The following MRPL3 variants were observed in gnomAD, a reference collection of about 807,000 sequenced individuals.
MRPL3 encodes the protein large ribosomal subunit protein uL3m.
Under a neutral mutation model 44.3 loss-of-function variants are expected in MRPL3, and 43 were observed. The ratio of observed to expected loss-of-function variants is 0.97; its 90% CI spans 0.76 to 1.25. MRPL3 has a LOEUF of 1.25. Among genes scored for constraint, MRPL3 ranks in the 50% most tolerant of loss-of-function variants. MRPL3 has a pLI of 0.00. For missense variants in MRPL3, 406 were observed against 427.6 expected (o/e 0.95, Z 0.45); for synonymous variants, 171 against 152.3 (o/e 1.12, Z -0.91).
chr3:131,472,704 G>A (rs992857483), intron 6 of MRPL3, among the ~76,000 whole-genome samples: 2 of 151,936 alleles, frequency 1.3e-5, no homozygotes, highest in African/African-American at 4.8e-5. Flanking sequence ...AAAAGTGTTA[G>A]AATAAATTCA....
intron 6 of MRPL3, among the ~76,000 whole-genome samples, chr3:131,478,877 G>A (rs1343170644): frequency 6.6e-6 from 1 of 151,872 alleles, no homozygotes; most frequent in Non-Finnish European, 1.5e-5. Context: ...CTTTTTAGTA[G>A]AGATGAAGTT....
At chr3:131,472,231 A>C (rs1047150184) in intron 6 of MRPL3, among the ~76,000 whole-genome samples, 2 of 152,204 alleles carry the variant, frequency 1.3e-5, no homozygotes, top group African/African-American at 4.8e-5. Flanking sequence ...ATCTTAGAAG[A>C]TATCAGAAGG....
At chr3:131,478,686 T>C (rs1182939799) in intron 6 of MRPL3, among the ~76,000 whole-genome samples, 1 of 150,996 alleles carries the variant, frequency 6.6e-6, no homozygotes, top group Non-Finnish European at 1.5e-5. Context: ...AATATCAAGT[T>C]GCATCACCTG....
chr3:131,482,548 A>C (rs1274999380), intron 6 of MRPL3, among the ~76,000 whole-genome samples: 2 of 152,088 alleles, frequency 1.3e-5, no homozygotes, highest in African/African-American at 4.8e-5. Context: ...TACTAAGATA[A>C]CATTGTCAAC....
At position 131,468,122 on chromosome 3, in the gene MRPL3, G is replaced by T. The variant is rs751903627; in HGVS notation, c.863C>A (p.Ser288Tyr). ...TAAGCAATTTTTATGTCCAGGTACA[G>T]AGCCATTTACATAGATTATGTTGTG... ...TKHNIIYVNGSVPGHKNCLVK... is the reference protein window; with the variant it reads ...TKHNIIYVNGYVPGHKNCLVK... Residue 288 changes from serine to tyrosine, a missense_variant, in exon 9 of 10, where the codon TCT becomes TAT. Ser to Tyr is a moderately radical substitution (Grantham distance 144). Transcript: ENST00000264995. The T allele has an allele frequency of 3.0e-5, 47 of 1,592,516 alleles. No homozygotes were observed. The South Asian group carries it at 5.3e-4, about 18-fold the overall frequency.
At chr3:131,471,933 T>C (rs1933752930) in intron 6 of MRPL3, among the ~76,000 whole-genome samples, 1 of 152,112 alleles carries the variant, frequency 6.6e-6, no homozygotes, top group South Asian at 2.1e-4. Flanking sequence ...ACGAAGGACC[T>C]GAGGTCTGCC....
intron 6 of MRPL3, chr3:131,479,081 C>CT (rs748969951): frequency 1.2e-5 from 6 of 497,070 alleles, no homozygotes; most frequent in Non-Finnish European, 2.0e-5. Context: ...ATTAAGTTTT[C>CT]TTTTTTTCTT....
intron 6 of MRPL3, among the ~76,000 whole-genome samples, chr3:131,481,767 ATAGTT>A (rs1160790081): frequency 6.6e-6 from 1 of 152,262 alleles, no homozygotes; most frequent in Admixed American, 6.5e-5. Context: ...ATTTCTCTCT[ATAGTT>A]TAATCACTCA....
intron 8 of MRPL3, 131 bp downstream of exon 8, chr3:131,469,565 G>A (rs2110695625): frequency 1.7e-6 from 1 of 592,074 alleles, no homozygotes; most frequent in Non-Finnish European, 2.9e-6. Context: ...CACAATTCAT[G>A]TATCCTCTTT....
At chr3:131,492,457 T>C (rs1341616803) in intron 4 of MRPL3, among the ~76,000 whole-genome samples, 1 of 152,154 alleles carries the variant, frequency 6.6e-6, no homozygotes, top group Non-Finnish European at 1.5e-5. Context: ...AGAATGAAAC[T>C]GTTCCACCTC....
chr3:131,494,948 G>T lies in MRPL3; in HGVS notation c.468+3231C>A, dbSNP rs184833591. On this transcript the variant is annotated intron_variant, in intron 4 of 9. Coordinates refer to ENST00000264995, the MANE Select transcript of MRPL3 (RefSeq NM_007208.4). ...TCTCTGCAATTATCCTTCCCACAAT[G>T]AAAATGCCTCTCCTCCTAAGATGAA... 3.3e-5 allele frequency among the ~76,000 whole-genome samples: 5 copies of T among 152,112 alleles called. No homozygotes were observed. The East Asian group carries it at 9.7e-4, about 29-fold the overall frequency.
chr3:131,467,690 A>AGCCATGCTTCCTG (rs1933643186), intron 9 of MRPL3, among the ~76,000 whole-genome samples: 1 of 152,032 alleles, frequency 6.6e-6, no homozygotes, highest in South Asian at 2.1e-4. Flanking sequence ...AGGCCTCCCT[A>AGCCATGCTTCCTG]GCCATGCTTC....
At chr3:131,473,969 G>A (rs897031250) in intron 6 of MRPL3, among the ~76,000 whole-genome samples, 1 of 152,116 alleles carries the variant, frequency 6.6e-6, no homozygotes, top group Non-Finnish European at 1.5e-5. Context: ...ATATAAATTA[G>A]TATAGCCACT....
In MRPL3 at chr3:131,485,066, A is replaced by G. The variant is rs535011440; in HGVS notation, c.629+2614T>C. Among the ~76,000 whole-genome samples, 6 of 152,226 alleles carry G rather than the reference A, an allele frequency of 3.9e-5. 1 individual carries two copies. In the South Asian group the frequency reaches 1.2e-3, roughly 32 times the overall value. ...AATTCCAGGGCTGGTTGTTCCCCCA[A>G]CTCTTACCAGCTATTTAATCCTGAA... On this transcript the variant is annotated intron_variant, in intron 6 of 9. Coordinates refer to ENST00000264995, the MANE Select transcript of MRPL3 (RefSeq NM_007208.4).
At chr3:131,484,699 C>T (rs563813680) in intron 6 of MRPL3, among the ~76,000 whole-genome samples, 1 of 152,268 alleles carries the variant, frequency 6.6e-6, no homozygotes, top group African/African-American at 2.4e-5. Context: ...GAATACAATG[C>T]TGCACTCAGG....
In MRPL3 at chr3:131,498,210, G is replaced by T; in HGVS notation, c.437C>A (p.Ser146Tyr). Residue 146 changes from serine (S) to tyrosine (Y), a missense_variant, in exon 4 of 10, where the codon TCT becomes TAT. By Grantham distance (144) the Ser-to-Tyr change is moderately radical. Transcript: ENST00000264995. ...ACGTGATACAGTTTTTCCTCCTACA[G>T]ACAGGGTTGCCATTTTTCCATTACA... The part of the protein sequence containing the change: ...ENCNGKMATL[S>Y]VGGKTVSRFR... 6.2e-7 allele frequency: 1 copy of T among 1,611,074 alleles called. No homozygotes were observed. Among genetic ancestry groups the T allele is most frequent in the Non-Finnish European group, 8.5e-7 (1 of 1,177,390 alleles).
chr3:131,501,372 T>C (rs1293958856), intron 2 of MRPL3, among the ~76,000 whole-genome samples, 159 bp downstream of exon 2: 2 of 152,128 alleles, frequency 1.3e-5, no homozygotes, highest in East Asian at 1.9e-4. Flanking sequence ...GACTAGGAAG[T>C]TGGAAATAAA....
chr3:131,485,224 G>A (rs1934092157), intron 6 of MRPL3, among the ~76,000 whole-genome samples: 1 of 152,118 alleles, frequency 6.6e-6, no homozygotes, highest in African/African-American at 2.4e-5. Flanking sequence ...CTTTAAAGAA[G>A]CCAAGGAAAC....
chr3:131,485,206 A>G (rs2110706930), intron 6 of MRPL3, among the ~76,000 whole-genome samples: 1 of 152,338 alleles, frequency 6.6e-6, no homozygotes, highest in African/African-American at 2.4e-5. Flanking sequence ...CTGAAGTTTT[A>G]AAAATCACTT....
Sources: gnomAD v4.1 joint callset for allele counts (sites outside exome capture counted in the v4.1 genomes callset) on GRCh38, gnomAD v4.1.1 for gene constraint, MANE v1.5 for transcripts, NCBI Gene and HGNC (gene_info 2026-07-23, HGNC 2026-07-21) for gene names.